Variants in JAM3 observed in about 807,000 individuals in gnomAD.
JAM3 encodes junctional adhesion molecule 3, also known as junctional adhesion molecule C.
Under a neutral mutation model 39.4 loss-of-function variants are expected in JAM3, and 31 were observed. That is an observed-to-expected ratio of 0.79 (90% CI 0.59 to 1.06). The LOEUF is 1.06. JAM3 is among the 50% of genes least tolerant of loss of function. The pLI, the probability that JAM3 is intolerant of heterozygous loss-of-function variation, is 0.00. For synonymous variants in JAM3, 182 were observed against 148.7 expected (o/e 1.22, Z -1.63); for missense variants, 455 against 391.4 (o/e 1.16, Z -1.37).
intron 1 of JAM3, among the ~76,000 whole-genome samples, chr11:134,072,921 A>G (rs933642205): frequency 6.6e-6 from 1 of 152,180 alleles, no homozygotes; most frequent in African/African-American, 2.4e-5. Context: ...GGGGGAAAAA[A>G]AAAGATGTTT....
At chr11:134,080,459 G>T (rs1941647123) in intron 1 of JAM3, among the ~76,000 whole-genome samples, 1 of 152,210 alleles carries the variant, frequency 6.6e-6, no homozygotes, top group African/African-American at 2.4e-5. Context: ...CCCAGTGGGA[G>T]ATAATTGAAT....
At chr11:134,090,812 A>AGATTTTTT (rs1941834387) in intron 1 of JAM3, among the ~76,000 whole-genome samples, 1 of 152,214 alleles carries the variant, frequency 6.6e-6, no homozygotes, top group Non-Finnish European at 1.5e-5. Flanking sequence ...CTATTGAAAT[A>AGATTTTTT]TTTGAACTCA....
intron 1 of JAM3, among the ~76,000 whole-genome samples, chr11:134,074,129 C>T (rs1162723901): frequency 1.3e-5 from 2 of 152,064 alleles, no homozygotes; most frequent in Non-Finnish European, 1.5e-5. Flanking sequence ...TGTATGATTA[C>T]GATTACACAA....
chr11:134,129,463 C>T (rs1472252987), intron 1 of JAM3, among the ~76,000 whole-genome samples: 2 of 152,086 alleles, frequency 1.3e-5, no homozygotes, highest in Non-Finnish European at 2.9e-5. Context: ...ATTAAGTCCA[C>T]ACCCTTATGA....
At chr11:134,128,988 A>G (rs1942709423) in intron 1 of JAM3, among the ~76,000 whole-genome samples, 1 of 152,176 alleles carries the variant, frequency 6.6e-6, no homozygotes, top group Non-Finnish European at 1.5e-5. Context: ...GCAGGCTGGG[A>G]AGTCCAAAAT....
intron 1 of JAM3, among the ~76,000 whole-genome samples, chr11:134,088,398 T>A (rs572695638): frequency 5.3e-5 from 8 of 152,320 alleles, no homozygotes; most frequent in East Asian, 1.9e-4. Context: ...GCAACATTTT[T>A]TTTTTTATTT....
At chr11:134,110,710 T>C (rs1942292119) in intron 1 of JAM3, among the ~76,000 whole-genome samples, 1 of 125,300 alleles carries the variant, frequency 8.0e-6, no homozygotes, top group African/African-American at 4.2e-5. Context: ...GGGTGGTGGG[T>C]AGGTCGGCTA....
At chr11:134,086,916 T>C (rs1323586425) in intron 1 of JAM3, among the ~76,000 whole-genome samples, 1 of 152,084 alleles carries the variant, frequency 6.6e-6, no homozygotes, top group African/African-American at 2.4e-5. Flanking sequence ...GCAATCCTTC[T>C]GTCTCAACTT....
chr11:134,145,286 C>T (rs1302107259), intron 5 of JAM3: 4 of 497,086 alleles, frequency 8.0e-6, no homozygotes, highest in Admixed American at 6.6e-5. Context: ...AGTCATTAGA[C>T]AATCGGGGAA....
rs1369923804 is a variant in JAM3, at chr11:134,121,002, G to GT, written c.77-18848dup. ...TGCTCAACAATAGAGCTGTGTTTCT[G>GT]TGCACCAACCGCAGATGCTGGGTCT... On this transcript the variant is annotated intron_variant, in intron 1 of 8. Transcript: ENST00000299106. Among the ~76,000 whole-genome samples, 237 of 152,312 alleles carry GT rather than the reference G, an allele frequency of 1.6e-3. 1 individual carries two copies. The highest frequency in any genetic ancestry group is 2.7e-3 in the Admixed American group (42 of 15,292).
intron 3 of JAM3, among the ~76,000 whole-genome samples, chr11:134,142,475 C>T (rs557472514): frequency 2.6e-5 from 4 of 152,336 alleles, no homozygotes; most frequent in Admixed American, 6.5e-5. Context: ...GCAAGCCCTT[C>T]ATGTCCTTGT....
Position 134,145,220 on chromosome 11 carries a change from G to A in JAM3, c.612+226G>A, listed in dbSNP as rs193010851. On this transcript the variant is annotated intron_variant, in intron 5 of 8. Coordinates refer to ENST00000299106, the MANE Select transcript of JAM3 (RefSeq NM_032801.5). ...GAGAAAGAAACCATAGATTGAGACC[G>A]AAGAGGGATATTAAGCAAATGTTAC... is the stretch of plus-strand genomic sequence containing the variant. 281 of 589,724 alleles carry A rather than the reference G, an allele frequency of 4.8e-4. 2 individuals carry two copies. The Middle Eastern group carries it at 0.013, about 27-fold the overall frequency. The allele number at this position is 589,724 out of a possible 1,614,324, so 36.5% of individuals were successfully genotyped here. A position where few individuals can be genotyped will look rare whatever the true frequency, so the allele number is the denominator to read the frequency against.
At chr11:134,136,854 C>A (rs2120839991) in intron 1 of JAM3, among the ~76,000 whole-genome samples, 2 of 152,344 alleles carry the variant, frequency 1.3e-5, no homozygotes, top group East Asian at 1.9e-4. Context: ...TGGCTCACGC[C>A]TGTAATCCCA....
At chr11:134,130,454 A>G (rs1942748059) in intron 1 of JAM3, among the ~76,000 whole-genome samples, 1 of 152,222 alleles carries the variant, frequency 6.6e-6, no homozygotes, top group Admixed American at 6.5e-5. Flanking sequence ...TAAAAAAAAA[A>G]TAGTGACAAG....
chr11:134,092,028 A>G (rs1036923360), intron 1 of JAM3, among the ~76,000 whole-genome samples: 5 of 152,126 alleles, frequency 3.3e-5, no homozygotes, highest in Non-Finnish European at 5.9e-5. Flanking sequence ...TCTAAATATA[A>G]TTAAGTATAC....
intron 1 of JAM3, among the ~76,000 whole-genome samples, chr11:134,124,684 T>C (rs1296718375): frequency 1.3e-5 from 2 of 152,176 alleles, no homozygotes; most frequent in Non-Finnish European, 2.9e-5. Context: ...ATGCCTAATT[T>C]TACTGGAGTC....
chr11:134,070,483 A>G (rs948408992), intron 1 of JAM3, among the ~76,000 whole-genome samples: 1 of 152,206 alleles, frequency 6.6e-6, no homozygotes, highest in East Asian at 1.9e-4. Context: ...GTGACAAAAG[A>G]TGAGTTTTAG....
In JAM3 at chr11:134,070,152, T is replaced by C. The variant is rs900772611; in HGVS notation, c.76+993T>C. On this transcript the variant is annotated intron_variant, in intron 1 of 8. Transcript: ENST00000299106. Reference sequence around the variant, plus strand: ...CCTTTCAGCAGCTCTGTGAGATAGGTTTCATTAATCCATTTTCAGAGTCAA... The same window carrying C: ...CCTTTCAGCAGCTCTGTGAGATAGGCTTCATTAATCCATTTTCAGAGTCAA... 56 of 456,058 alleles carry C rather than the reference T, an allele frequency of 1.2e-4. No individual in the cohort carries two copies. In the Admixed American group the frequency reaches 1.3e-3, roughly 11 times the overall value. 28.3% of individuals were successfully genotyped at this position (456,058 alleles called of 1,614,324 possible).
At chr11:134,115,073 G>C (rs1942398350) in intron 1 of JAM3, among the ~76,000 whole-genome samples, 1 of 152,148 alleles carries the variant, frequency 6.6e-6, no homozygotes, top group South Asian at 2.1e-4. Context: ...TTGATGAATT[G>C]ACCTCTTTAT....
Sources: allele counts gnomAD v4.1 joint callset (sites outside exome capture counted in the v4.1 genomes callset), GRCh38; gene constraint gnomAD v4.1.1; transcripts MANE v1.5; gene names NCBI Gene and HGNC (gene_info 2026-07-23, HGNC 2026-07-21).